The following ADAMTSL3 variants were observed in gnomAD, a reference collection of about 807,000 sequenced individuals.
ADAMTSL3 encodes the protein ADAMTS like 3.
A neutral mutation model predicts 201.7 loss-of-function variants in ADAMTSL3; 128 were observed. The observed-to-expected ratio is 0.63, with a 90% CI of 0.55 to 0.73. ADAMTSL3 has a LOEUF of 0.73. Ranked by LOEUF, ADAMTSL3 falls within the 30% of genes least tolerant of loss-of-function variation. ADAMTSL3 has a pLI of 0.00. For synonymous variants in ADAMTSL3, 738 were observed against 748.4 expected (o/e 0.99, Z 0.23); for missense variants, 1,990 against 2,119.6 (o/e 0.94, Z 1.20).
chr15:84,001,490 T>A (rs2067791110), intron 23 of ADAMTSL3, among the ~76,000 whole-genome samples: 1 of 152,190 alleles, frequency 6.6e-6, no homozygotes, highest in Non-Finnish European at 1.5e-5. Context: ...TTGTCTTTGT[T>A]TATGTACCTA....
rs115206093 is a variant in ADAMTSL3 at position 83,713,067 on chromosome 15, G to A, written c.189+8559G>A. Among the ~76,000 whole-genome samples, 1,094 of 152,094 alleles carry A rather than the reference G, an allele frequency of 7.2e-3. 13 individuals are homozygous for A. Among genetic ancestry groups the A allele is most frequent in the African/African-American group, 0.024 (1,004 of 41,494 alleles). ...CAGCATCTCTAGGTTTCCTACCCACGTGGCCTCTTCTATCAGTGTCATCCC... is the reference window on the plus strand; with the variant it reads ...CAGCATCTCTAGGTTTCCTACCCACATGGCCTCTTCTATCAGTGTCATCCC... On this transcript the variant is annotated intron_variant, in intron 3 of 29. Transcript: ENST00000286744.
chr15:83,772,210 T>C lies in ADAMTSL3; in HGVS notation c.190-1313T>C, dbSNP rs549274781. Among the ~76,000 whole-genome samples the C allele has an allele frequency of 1.3e-4, 20 of 152,342 alleles. No individual in the cohort carries two copies. The East Asian group carries it at 2.9e-3, about 22-fold the overall frequency. The stretch of plus-strand genomic sequence containing the variant: ...AGATGAACTTTAGAAACATTTGTTA[T>C]GTTTCAAAAATTTTTCTTTGGGGAT... On this transcript the variant is annotated intron_variant, in intron 3 of 29. Coordinates refer to ENST00000286744, the MANE Select transcript of ADAMTSL3 (RefSeq NM_207517.3).
chr15:83,848,108 A>G (rs2064538304), intron 7 of ADAMTSL3, among the ~76,000 whole-genome samples: 1 of 152,248 alleles, frequency 6.6e-6, no homozygotes, highest in South Asian at 2.1e-4. Context: ...TAAATGTAAC[A>G]TGAAAAATAC....
intron 20 of ADAMTSL3, among the ~76,000 whole-genome samples, chr15:83,971,601 G>A (rs1226282282): frequency 6.7e-6 from 1 of 149,064 alleles, no homozygotes; most frequent in African/African-American, 2.5e-5. Flanking sequence ...AAAGAGTTGT[G>A]TGTTAAAACA....
intron 15 of ADAMTSL3, among the ~76,000 whole-genome samples, chr15:83,907,567 T>A (rs2065863995): frequency 6.6e-6 from 1 of 151,438 alleles, no homozygotes; most frequent in African/African-American, 2.4e-5. Flanking sequence ...ACCTGGCTAA[T>A]TTTTTTTTGT....
chr15:83,769,282 C>T lies in ADAMTSL3; in HGVS notation c.190-4241C>T, dbSNP rs542391301. On this transcript the variant is annotated intron_variant, in intron 3 of 29. Coordinates refer to ENST00000286744, the MANE Select transcript of ADAMTSL3 (RefSeq NM_207517.3). The stretch of plus-strand genomic sequence containing the variant: ...TTTCACATTCAACCTTTTGGTATAT[C>T]GAGTGACAAAATGAAAAATCAATTT... Among the ~76,000 whole-genome samples, 90 of 152,122 alleles carry T rather than the reference C, an allele frequency of 5.9e-4. 2 individuals are homozygous for T. Among genetic ancestry groups the T allele is most frequent in the Admixed American group, 1.1e-3 (17 of 15,270 alleles).
Position 83,991,197 on chromosome 15 carries a change from T to C in ADAMTSL3, c.3956T>C (p.Ile1319Thr), listed in dbSNP as rs1207663872. The change falls in exon 23 of 30, where the codon ATC becomes ACC. Residue 1319 changes from isoleucine to threonine, a missense_variant. By Grantham distance (89) the Ile-to-Thr change is moderately conservative. Coordinates refer to ENST00000286744, the MANE Select transcript of ADAMTSL3 (RefSeq NM_207517.3). ...VEAALGANVTIRCPVKGVPQP... is the reference protein window; with the variant it reads ...VEAALGANVTTRCPVKGVPQP... Reference sequence around the variant, plus strand: ...GCAGCCCTTGGAGCAAACGTGACAATCCGATGTCCTGTAAAAGGTAAGTGT... The same window carrying C: ...GCAGCCCTTGGAGCAAACGTGACAACCCGATGTCCTGTAAAAGGTAAGTGT... 2 of 1,614,172 alleles carry C rather than the reference T, an allele frequency of 1.2e-6. No homozygotes were observed. The highest frequency in any genetic ancestry group is 2.2e-5 in the South Asian group (2 of 91,084).
chr15:83,978,095 C>T (rs557709451), intron 20 of ADAMTSL3, among the ~76,000 whole-genome samples: 1 of 152,208 alleles, frequency 6.6e-6, no homozygotes, highest in Non-Finnish European at 1.5e-5. Context: ...GGTATTGATG[C>T]TGTGTCATGG....
chr15:83,942,581 T>G lies in ADAMTSL3; in HGVS notation c.2118-15T>G. ...ATTGGACTGTTCAACTTTCCCCACT[T>G]GTTTTCTGTTTTAGGTGGCATGTGG... On this transcript the variant is annotated splice_polypyrimidine_tract_variant and intron_variant, in intron 17 of 29. Coordinates refer to ENST00000286744, the MANE Select transcript of ADAMTSL3 (RefSeq NM_207517.3). 6.2e-7 allele frequency: 1 copy of G among 1,605,412 alleles called. No individual in the cohort carries two copies. The highest frequency in any genetic ancestry group is 2.2e-5 in the East Asian group (1 of 44,718).
chr15:83,965,945 AC>A (rs1204031679), intron 19 of ADAMTSL3, among the ~76,000 whole-genome samples: 1 of 152,240 alleles, frequency 6.6e-6, no homozygotes, highest in Non-Finnish European at 1.5e-5. Context: ...TGGGTGAATA[AC>A]AAAATTAAGG....
chr15:83,773,425 C>T lies in ADAMTSL3; in HGVS notation c.190-98C>T, dbSNP rs540373172. The T allele has an allele frequency of 1.1e-4, 145 of 1,341,538 alleles. 4 individuals carry two copies. In the South Asian group the frequency reaches 1.9e-3, roughly 17 times the overall value. The allele number at this position is 1,341,538 out of a possible 1,614,324, so 83.1% of individuals were successfully genotyped here. Reference sequence around the variant, plus strand: ...GTCTCAATTAAAAAAAAAAAGGTGACTCTGGAATAACTGGGGAAGATTTGG... The same window carrying T: ...GTCTCAATTAAAAAAAAAAAGGTGATTCTGGAATAACTGGGGAAGATTTGG... On this transcript the variant is annotated intron_variant, in intron 3 of 29. Transcript: ENST00000286744.
intron 19 of ADAMTSL3, among the ~76,000 whole-genome samples, chr15:83,964,847 G>C (rs1372789962): frequency 6.6e-6 from 1 of 152,192 alleles, no homozygotes; most frequent in African/African-American, 2.4e-5. Flanking sequence ...CTACAAGCCA[G>C]AATAGAATGG....
intron 7 of ADAMTSL3, among the ~76,000 whole-genome samples, chr15:83,851,091 T>G (rs2064602783): frequency 6.6e-6 from 1 of 152,230 alleles, no homozygotes; most frequent in South Asian, 2.1e-4. Flanking sequence ...TGTCTGTGTT[T>G]TAACAAGTTT....
At chr15:83,726,907 C>T (rs986642095) in intron 3 of ADAMTSL3, among the ~76,000 whole-genome samples, 11 of 151,344 alleles carry the variant, frequency 7.3e-5, no homozygotes, top group Non-Finnish European at 1.3e-4. Flanking sequence ...ATACTGGCCT[C>T]AGAGAATGAG....
intron 4 of ADAMTSL3, among the ~76,000 whole-genome samples, chr15:83,793,812 C>G (rs1309093764): frequency 6.6e-6 from 1 of 152,034 alleles, no homozygotes; most frequent in Non-Finnish European, 1.5e-5. Flanking sequence ...GAGGAATCAG[C>G]TTACTTAATA....
chr15:83,881,351 G>A (rs1312483104), intron 9 of ADAMTSL3, among the ~76,000 whole-genome samples: 5 of 152,286 alleles, frequency 3.3e-5, no homozygotes, highest in African/African-American at 9.6e-5. Context: ...TCTAGTGTTC[G>A]CTTTCCACTA....
chr15:83,689,227 A>G (rs575895278), intron 2 of ADAMTSL3, among the ~76,000 whole-genome samples: 1 of 152,344 alleles, frequency 6.6e-6, no homozygotes, highest in East Asian at 1.9e-4. Flanking sequence ...CTGCACAATA[A>G]TACGTAAGAT....
Position 83,937,756 on chromosome 15 carries a change from A to T in ADAMTSL3, c.2118-4840A>T, listed in dbSNP as rs2142022914. Among the ~76,000 whole-genome samples, 2 of 151,226 alleles carry T rather than the reference A, an allele frequency of 1.3e-5. 1 individual carries two copies. Among genetic ancestry groups the T allele is most frequent in the South Asian group, 4.1e-4 (2 of 4,824 alleles). ...TATTGATTTTGTCTTTTTGCATGTT[A>T]ATTGAATGTAAAATTTCTAGAATTC... On this transcript the variant is annotated intron_variant, in intron 17 of 29. Transcript: ENST00000286744.
At chr15:83,972,621 C>A (rs2067216834) in intron 20 of ADAMTSL3, among the ~76,000 whole-genome samples, 1 of 152,058 alleles carries the variant, frequency 6.6e-6, no homozygotes, top group African/African-American at 2.4e-5. Context: ...GAGAAAATTA[C>A]AAGTTGTAGG....
Sources: gnomAD v4.1 joint callset for allele counts (sites outside exome capture counted in the v4.1 genomes callset) on GRCh38, gnomAD v4.1.1 for gene constraint, MANE v1.5 for transcripts, NCBI Gene and HGNC (gene_info 2026-07-23, HGNC 2026-07-21) for gene names.